Variants in KDM6B observed in about 807,000 individuals in gnomAD.
KDM6B encodes lysine demethylase 6B.
In KDM6B, 22 loss-of-function variants were observed where a neutral mutation model predicts 150.4. The ratio of observed to expected loss-of-function variants is 0.15; its 90% CI spans 0.10 to 0.21. KDM6B has a LOEUF of 0.21. KDM6B is among the 10% of genes least tolerant of loss of function. KDM6B has a pLI of 1.00. For missense variants in KDM6B, 1,984 were observed against 2,234.3 expected (o/e 0.89, Z 2.26); for synonymous variants, 1,148 against 921.1 (o/e 1.25, Z -4.46).
In KDM6B at chr17:7,846,239, C is replaced by T; in HGVS notation, c.398C>T (p.Ala133Val). ...GAGGCCACACGCTGCTACCACAGCG[C>T]CCTTCGATACGGAGGAAGCTTCGCT... ...SEEATRCYHS[A>V]LRYGGSFAEL... Residue 133 changes from alanine to valine, a missense_variant, in exon 7 of 24, where the codon GCC (alanine) becomes GTC (valine). Around this residue, in one of 13 missense-constraint regions of KDM6B, gnomAD observed 337 missense variants for 323.9 expected, o/e 1.04. Transcript: ENST00000448097. 2 of 1,614,056 alleles carry T rather than the reference C, an allele frequency of 1.2e-6. No homozygotes were observed. Among genetic ancestry groups the T allele is most frequent in the Non-Finnish European group, 1.7e-6 (2 of 1,179,998 alleles).
rs117267286 is a variant in KDM6B, at chr17:7,835,555, T to C, written c.-388+1205T>C. On this transcript the variant is annotated intron_variant, in intron 1 of 23. Transcript: ENST00000448097. ...TGCCAGAGTAACTGGAGGGCGAGAC[T>C]TGGGAGCCGGATTCCCGAACTCTCC... is the stretch of plus-strand genomic sequence containing the variant. 0.012 allele frequency among the ~76,000 whole-genome samples: 1,786 copies of C among 152,092 alleles called. 123 individuals carry two copies. The East Asian group carries it at 0.2, about 17-fold the overall frequency.
chr17:7,838,543 C>A (rs1480698156), intron 1 of KDM6B, among the ~76,000 whole-genome samples: 2 of 121,930 alleles, frequency 1.6e-5, no homozygotes, highest in African/African-American at 6.6e-5. Flanking sequence ...AGCTCTGGGG[C>A]TGGCCCTTTA....
chr17:7,846,788 A>G (rs2078549499), intron 9 of KDM6B, 31 bp from the exon 10 acceptor site: 1 of 1,613,598 alleles, frequency 6.2e-7, no homozygotes, highest in African/African-American at 1.3e-5. Flanking sequence ...AGGACTTGGG[A>G]ATGGGATTCT....
In KDM6B at chr17:7,846,698, C is replaced by T. The variant is rs1450968434; in HGVS notation, c.669C>T (p.Leu223=). The T allele has an allele frequency of 1.2e-6, 2 of 1,614,042 alleles. No homozygotes were observed. Among genetic ancestry groups the T allele is most frequent in the African/African-American group, 2.7e-5 (2 of 74,914 alleles). ...CAGGCCCCTCAGGGGAGGAGGGCCT[C>T]AGCCCTGGAGGCAAGCGAAGGAGAG... ...ALSGPSGEEG[L]SPGGKRRRGC... is the part of the protein sequence containing the mutation. The change falls in exon 9 of 24, where the codon CTC becomes CTT. Residue 223 remains leucine (L), a synonymous_variant. Transcript: ENST00000448097.
rs2151376928 is a variant in KDM6B at position 7,847,672 on chromosome 17, C to A, written c.1384C>A (p.Pro462Thr). Residue 462 changes from proline to threonine, a missense_variant, in exon 12 of 24, where the codon CCA (proline) becomes ACA (threonine). Coordinates refer to ENST00000448097, the MANE Select transcript of KDM6B (RefSeq NM_001348716.2). ...CGCTGCCACTCCCCACCTATCCCTGCCACCTGGACCTTCCTCACCCCCTCC... is the reference window on the plus strand; with the variant it reads ...CGCTGCCACTCCCCACCTATCCCTGACACCTGGACCTTCCTCACCCCCTCC... Reference protein sequence around the residue: ...APAATPHLSLPPGPSSPPPPP... With the variant: ...APAATPHLSLTPGPSSPPPPP... 1 of 1,602,454 alleles carries A rather than the reference C, an allele frequency of 6.2e-7. No individual in the cohort carries two copies. The highest frequency in any genetic ancestry group is 8.5e-7 in the Non-Finnish European group (1 of 1,174,798).
At chr17:7,849,982 C>G (rs1277475124) in intron 13 of KDM6B, 35 bp downstream of exon 13, 1 of 1,613,572 alleles carries the variant, frequency 6.2e-7, no homozygotes, top group Non-Finnish European at 8.5e-7. Context: ...ACCACCCCTG[C>G]CAGAGGGTTC....
At position 7,844,271 on chromosome 17, in the gene KDM6B, G is replaced by C. The variant is rs74750754; in HGVS notation, c.-268-630G>C. On this transcript the variant is annotated intron_variant, in intron 2 of 23. Coordinates refer to ENST00000448097, the MANE Select transcript of KDM6B (RefSeq NM_001348716.2). This position sits in a 1 kb window ranked among gnomAD's most constrained non-coding sequence, Gnocchi z 5.9. ...GTGCGCGACTTCTCGGAAGTTGGGG[G>C]ACTAAAAGGGGTCTGATTTTGGGGG... 1.3e-5 allele frequency: 2 copies of C among 152,372 alleles called. No individual in the cohort carries two copies. Among genetic ancestry groups the C allele is most frequent in the Non-Finnish European group, 2.9e-5 (2 of 68,200 alleles). 9.4% of individuals were successfully genotyped at this position (152,372 alleles called of 1,614,324 possible). A position where few individuals can be genotyped will look rare whatever the true frequency, so the allele number is the denominator to read the frequency against.
chr17:7,845,258 C>T, intron 3 of KDM6B, 56 bp from the exon 4 acceptor site: 1 of 550,742 alleles, frequency 1.8e-6, no homozygotes, highest in South Asian at 2.0e-5. Context: ...CATCCCAGCC[C>T]CTGGGCCTTG....
At chr17:7,837,307 A>G (rs1185613648) in intron 1 of KDM6B, among the ~76,000 whole-genome samples, 1 of 151,936 alleles carries the variant, frequency 6.6e-6, no homozygotes, top group Non-Finnish European at 1.5e-5. Flanking sequence ...TTCACTACAC[A>G]CCAGCTTATC....
chr17:7,853,257 C>A lies in KDM6B; in HGVS notation c.4785C>A (p.Arg1595=). ...ILFVTSENGS[R]NTYLVHCEGC... is the part of the protein sequence containing the mutation. ...TCGTGACAAGTGAGAATGGCAGCCGCAACACGTACCTGGTACACTGCGAGG... is the reference window on the plus strand; with the variant it reads ...TCGTGACAAGTGAGAATGGCAGCCGAAACACGTACCTGGTACACTGCGAGG... Residue 1595 remains arginine, a synonymous_variant, in exon 23 of 24, where the codon CGC becomes CGA. Transcript: ENST00000448097. The A allele has an allele frequency of 6.2e-7, 1 of 1,610,916 alleles. No individual in the cohort carries two copies. The highest frequency in any genetic ancestry group is 1.1e-5 in the South Asian group (1 of 90,612).
chr17:7,852,387 G>A, intron 20 of KDM6B, 51 bp downstream of exon 20: 9 of 1,592,966 alleles, frequency 5.6e-6, no homozygotes, highest in Non-Finnish European at 7.7e-6. Flanking sequence ...AGCGGCAAGG[G>A]CCTGGGAGGC....
At chr17:7,839,267 G>C (rs890728109) in intron 1 of KDM6B, among the ~76,000 whole-genome samples, 25 of 152,186 alleles carry the variant, frequency 1.6e-4, no homozygotes, top group African/African-American at 5.3e-4. Context: ...AGAGGAAGGA[G>C]GTGATGGGGA....
chr17:7,839,513 G>A (rs1439812362), intron 1 of KDM6B, among the ~76,000 whole-genome samples: 1 of 152,160 alleles, frequency 6.6e-6, no homozygotes, highest in African/African-American at 2.4e-5. Context: ...GATAAGGTTG[G>A]AGAGGACACA....
chr17:7,840,751 C>T (rs536654944), intron 2 of KDM6B: 1 of 152,298 alleles, frequency 6.6e-6, no homozygotes, highest in Non-Finnish European at 1.5e-5. Context: ...GTGTCTCTCA[C>T]TATTTTGCTT....
chr17:7,852,642 G>A lies in KDM6B; in HGVS notation c.4610+6G>A. On this transcript the variant is annotated splice_donor_region_variant and intron_variant, in intron 21 of 23. Coordinates refer to ENST00000448097, the MANE Select transcript of KDM6B (RefSeq NM_001348716.2). Reference sequence around the variant, plus strand: ...GACTTGTTCAAGATGATCAAGTGAGGACCCTATTTGGGTGGGAGCCCACCT... The same window carrying A: ...GACTTGTTCAAGATGATCAAGTGAGAACCCTATTTGGGTGGGAGCCCACCT... 1.9e-6 allele frequency: 3 copies of A among 1,614,000 alleles called. No individual in the cohort carries two copies. The highest frequency in any genetic ancestry group is 2.5e-6 in the Non-Finnish European group (3 of 1,180,036).
Position 7,847,758 on chromosome 17 carries a change from C to G in KDM6B, c.1470C>G (p.Ala490=). ...PPPPAWLKGP[A]CRAAREDGEI... is the part of the protein sequence containing the mutation. ...CCCCTGCCTGGTTGAAGGGTCCGGC[C>G]TGCCGGGCAGCCCGAGAGGATGGAG... Residue 490 remains alanine, a synonymous_variant, in exon 12 of 24, where the codon GCC becomes GCG. Transcript: ENST00000448097. 1 of 1,458,292 alleles carries G rather than the reference C, an allele frequency of 6.9e-7. No homozygotes were observed. The highest frequency in any genetic ancestry group is 9.2e-7 in the Non-Finnish European group (1 of 1,091,216). 90.3% of individuals were successfully genotyped at this position (1,458,292 alleles called of 1,614,324 possible).
chr17:7,846,377 G>GGGGCCCCCCCCCCC, intron 7 of KDM6B, 23 bp from the exon 8 acceptor site: 6 of 1,479,454 alleles, frequency 4.1e-6, no homozygotes, highest in Non-Finnish European at 3.6e-6. Flanking sequence ...ATCTGCCCCT[G>GGGGCCCCCCCCCCC]CCCCGTGTCC....
At position 7,853,201 on chromosome 17, in the gene KDM6B, C is replaced by T. The variant is rs777187710; in HGVS notation, c.4738-9C>T. On this transcript the variant is annotated splice_polypyrimidine_tract_variant and intron_variant, in intron 22 of 23. Coordinates refer to ENST00000448097, the MANE Select transcript of KDM6B (RefSeq NM_001348716.2). ...CCTCCCCCTGACTGCACTGTCCTCC[C>T]TGCCCCAGGTGGAGGTGTTTAACAT... is the stretch of plus-strand genomic sequence containing the variant. The T allele has an allele frequency of 3.7e-6, 6 of 1,613,470 alleles. No individual in the cohort carries two copies. The highest frequency in any genetic ancestry group is 5.1e-6 in the Non-Finnish European group (6 of 1,179,798).
chr17:7,851,710 G>C lies in KDM6B; in HGVS notation c.4079G>C (p.Gly1360Ala). 6.4e-7 allele frequency: 1 copy of C among 1,563,504 alleles called. No individual in the cohort carries two copies. Among genetic ancestry groups the C allele is most frequent in the Non-Finnish European group, 8.7e-7 (1 of 1,154,688 alleles). Residue 1360 changes from glycine to alanine, a missense_variant, in exon 18 of 24, where the codon GGC becomes GCC. Transcript: ENST00000448097. ...GCCTTCATGCGGGTAACATCCACGGGCAACATGCTGAGCCACGTGGGCCAC... is the reference window on the plus strand; with the variant it reads ...GCCTTCATGCGGGTAACATCCACGGCCAACATGCTGAGCCACGTGGGCCAC... ...LPAFMRVTST[G>A]NMLSHVGHTI...
Sources: allele counts gnomAD v4.1 joint callset (sites outside exome capture counted in the v4.1 genomes callset), GRCh38; gene constraint gnomAD v4.1.1; regional missense constraint gnomAD v4.1.1; non-coding constraint Gnocchi (gnomAD v3.1); transcripts MANE v1.5; gene names NCBI Gene and HGNC (gene_info 2026-07-23, HGNC 2026-07-21).